PDGFRB: variants seen among roughly 807,000 people sequenced by gnomAD.
PDGFRB encodes platelet derived growth factor receptor beta.
In PDGFRB, 42 loss-of-function variants were observed where a neutral mutation model predicts 120.2. The ratio of observed to expected loss-of-function variants is 0.35; its 90% confidence interval spans 0.27 to 0.45. PDGFRB has a LOEUF of 0.45. Ranked by LOEUF, PDGFRB falls within the 20% of genes least tolerant of loss-of-function variation. PDGFRB has a pLI of 1.00. For synonymous variants in PDGFRB, 586 were observed against 606.8 expected, an observed-to-expected ratio of 0.97 and a Z score of 0.50; for missense variants, 1,149 against 1,476.3, an observed-to-expected ratio of 0.78 and a Z score of 3.63.
Position 150,133,747 on chromosome 5 carries a change from A to G in PDGFRB, c.773T>C (p.Val258Ala). 3 of 1,614,076 alleles carry G rather than the reference A, an allele frequency of 1.9e-6. No individual in the cohort carries two copies. Among genetic ancestry groups the G allele is most frequent in the Non-Finnish European group, 2.5e-6 (3 of 1,179,976 alleles). Residue 258 changes from valine to alanine, a missense_variant, in exon 6 of 23, where the codon GTG (valine) becomes GCG (alanine). Around this residue, in one of 3 missense-constraint regions of PDGFRB, gnomAD observed 879 missense variants for 1,108.6 expected, o/e 0.79. Coordinates refer to ENST00000261799, the MANE Select transcript of PDGFRB (RefSeq NM_002609.4). ...CAAGAGGAAGTCAGTCACCGGCTCC[A>G]CCAGCCGCCCACTCTGCAGCAACAG... is the stretch of plus-strand genomic sequence containing the variant. ...TYPRKESGRL[V>A]EPVTDFLLDM...
rs945028891 is a variant in PDGFRB at position 150,132,309 on chromosome 5, G to A, written c.1128-215C>T. Among the ~76,000 whole-genome samples, 1 of 152,186 alleles carries A rather than the reference G, an allele frequency of 6.6e-6. No individual in the cohort carries two copies. Among genetic ancestry groups the A allele is most frequent in the Non-Finnish European group, 1.5e-5 (1 of 68,026 alleles). On this transcript the variant is annotated intron_variant, in intron 7 of 22. Transcript: ENST00000261799. This position sits in a 1 kb window ranked among gnomAD's most constrained non-coding sequence, Gnocchi z 5.0. Reference sequence around the variant, plus strand: ...GAGGGAGGGTTGAGATGAACTGTGGGTGGGGGTGGGGAGCATTGAAGGAAA... The same window carrying A: ...GAGGGAGGGTTGAGATGAACTGTGGATGGGGGTGGGGAGCATTGAAGGAAA...
chr5:150,147,655 C>A (rs746167624), intron 1 of PDGFRB, among the ~76,000 whole-genome samples: 1 of 152,220 alleles, frequency 6.6e-6, no homozygotes, highest in Non-Finnish European at 1.5e-5. Context: ...CCCTCCTGGG[C>A]GGCAGAGCAG....
chr5:150,134,598 T>G (rs755974496), intron 4 of PDGFRB, 152 bp downstream of exon 4: 3 of 726,544 alleles, frequency 4.1e-6, no homozygotes, highest in Non-Finnish European at 6.7e-6. Flanking sequence ...TTCCCTCTTC[T>G]GTAACATGGG....
rs1378680981 is a variant in PDGFRB, at chr5:150,114,510, C to T, written c.*1253G>A. ...TCATCGTGGGTAGTGAAAGAGGTCC[C>T]GTGGTCTTCCCATGTCCCTGGGGCA... is the stretch of plus-strand genomic sequence containing the variant. On this transcript the variant is annotated 3_prime_UTR_variant, in exon 23 of 23. Coordinates refer to ENST00000261799, the MANE Select transcript of PDGFRB (RefSeq NM_002609.4). 4 of 233,258 alleles carry T rather than the reference C, an allele frequency of 1.7e-5. No individual in the cohort carries two copies. The highest frequency in any genetic ancestry group is 6.0e-5 in the East Asian group (1 of 16,570). The allele number at this position is 233,258 out of a possible 1,614,324, so 14.4% of individuals were successfully genotyped here.
intron 8 of PDGFRB, among the ~76,000 whole-genome samples, chr5:150,131,645 G>A (rs1007213641): frequency 6.6e-6 from 1 of 152,178 alleles, no homozygotes; most frequent in Non-Finnish European, 1.5e-5. Flanking sequence ...GAACCTTGAA[G>A]AGACAGGCAT....
At chr5:150,124,219 C>A in intron 14 of PDGFRB, 31 bp downstream of exon 14, 2 of 1,499,404 alleles carry the variant, frequency 1.3e-6, no homozygotes, top group East Asian at 2.3e-5. Flanking sequence ...GGGCACTTTC[C>A]CTGAGGCCTC....
At chr5:150,139,220 TG>T (rs1243839491) in intron 1 of PDGFRB, among the ~76,000 whole-genome samples, 1 of 152,054 alleles carries the variant, frequency 6.6e-6, no homozygotes, top group South Asian at 2.1e-4. Flanking sequence ...ATTCAAGCTG[TG>T]GGGAGAGGAC....
Position 150,135,679 on chromosome 5 carries a change from G to T in PDGFRB, c.240C>A (p.Thr80=), listed in dbSNP as rs371465014. Residue 80 remains threonine (T), a synonymous_variant, in exon 3 of 23, where the codon ACC becomes ACA. Transcript: ENST00000261799. ...TGGTCAGTGTGAGCACGCTGGAGAAGGTGCCATCCTGGGCCTTGGCCATTT... is the reference window on the plus strand; with the variant it reads ...TGGTCAGTGTGAGCACGCTGGAGAATGTGCCATCCTGGGCCTTGGCCATTT... ...PQEMAKAQDG[T]FSSVLTLTNL... The T allele has an allele frequency of 9.3e-6, 15 of 1,613,944 alleles. No individual in the cohort carries two copies. Among genetic ancestry groups the T allele is most frequent in the Non-Finnish European group, 1.2e-5 (14 of 1,179,914 alleles).
At chr5:150,137,340 G>C in intron 1 of PDGFRB, 1 of 387,926 alleles carries the variant, frequency 2.6e-6, no homozygotes, top group Non-Finnish European at 4.7e-6. Context: ...CTGTGCCTTA[G>C]TTTCCCTGTC....
intron 2 of PDGFRB, 142 bp from the exon 3 acceptor site, chr5:150,136,020 C>T (rs1760620996): frequency 1.8e-6 from 1 of 566,364 alleles, no homozygotes; most frequent in South Asian, 3.3e-5. Flanking sequence ...TGGGGCTCTC[C>T]AGCCATGGCT....
Position 150,116,762 on chromosome 5 carries a change from T to C in PDGFRB, c.3138-816A>G, listed in dbSNP as rs371733106. 2.0e-4 allele frequency among the ~76,000 whole-genome samples: 30 copies of C among 152,118 alleles called. 1 individual carries two copies. Among genetic ancestry groups the C allele is most frequent in the Admixed American group, 5.9e-4 (9 of 15,282 alleles). On this transcript the variant is annotated intron_variant, in intron 22 of 22. Coordinates refer to ENST00000261799, the MANE Select transcript of PDGFRB (RefSeq NM_002609.4). ...CGCTGCACTTCACTCCTCTGCACCA[T>C]CCACTGGGACTCTTGGATGGTTGGC...
intron 1 of PDGFRB, among the ~76,000 whole-genome samples, chr5:150,146,471 C>T (rs1469560735): frequency 6.6e-6 from 1 of 152,184 alleles, no homozygotes; most frequent in Non-Finnish European, 1.5e-5. Context: ...TGGTAACTTT[C>T]CCAAGGTCAC....
chr5:150,150,596 A>T (rs943248133), intron 1 of PDGFRB, among the ~76,000 whole-genome samples: 1 of 103,680 alleles, frequency 9.6e-6, no homozygotes, highest in African/African-American at 3.5e-5. Flanking sequence ...TACCCCAGGA[A>T]GCATCTGGTG....
Position 150,155,682 on chromosome 5 carries a change from G to A in PDGFRB, c.-292C>T, listed in dbSNP as rs1761211775. The A allele has an allele frequency of 5.0e-6, 2 of 398,680 alleles. No individual in the cohort carries two copies. The highest frequency in any genetic ancestry group is 8.8e-5 in the Admixed American group (2 of 22,744). 24.7% of individuals were successfully genotyped at this position (398,680 alleles called of 1,614,324 possible). ...GCAGAGCCGCCAGAGGGGCCGCCCTGGGTCTGGCTGTCTGCGTTGGGCAGG... is the reference window on the plus strand; with the variant it reads ...GCAGAGCCGCCAGAGGGGCCGCCCTAGGTCTGGCTGTCTGCGTTGGGCAGG... On this transcript the variant is annotated 5_prime_UTR_variant, in exon 1 of 23. Transcript: ENST00000261799.
chr5:150,143,355 C>A (rs1760832915), intron 1 of PDGFRB, among the ~76,000 whole-genome samples: 1 of 152,178 alleles, frequency 6.6e-6, no homozygotes, highest in Admixed American at 6.5e-5. Context: ...AAAGGGTGGG[C>A]AAGAGTGTCT....
At chr5:150,148,765 C>T (rs577135794) in intron 1 of PDGFRB, among the ~76,000 whole-genome samples, 101 of 152,358 alleles carry the variant, frequency 6.6e-4, no homozygotes, top group Non-Finnish European at 8.8e-4. Context: ...TGACTAACAA[C>T]AGTATATGAT....
chr5:150,129,492 C>T (rs142748474), intron 10 of PDGFRB, among the ~76,000 whole-genome samples: 26 of 152,286 alleles, frequency 1.7e-4, no homozygotes, highest in Middle Eastern at 3.4e-3. Context: ...ACATGGCTTA[C>T]GACATACATA....
chr5:150,148,775 T>C (rs1183360967), intron 1 of PDGFRB, among the ~76,000 whole-genome samples: 2 of 152,230 alleles, frequency 1.3e-5, no homozygotes, highest in African/African-American at 4.8e-5. Context: ...CAGTATATGA[T>C]TACTCCAGTG....
intron 19 of PDGFRB, 105 bp from the exon 20 acceptor site, chr5:150,119,671 A>T: frequency 1.3e-6 from 1 of 746,332 alleles, no homozygotes; most frequent in Non-Finnish European, 2.4e-6. Flanking sequence ...TGGTATGGGT[A>T]AGGGGGCAGT....
Sources: gnomAD v4.1 joint callset for allele counts (sites outside exome capture counted in the v4.1 genomes callset) on GRCh38, gnomAD v4.1.1 for gene constraint, gnomAD v4.1.1 regional missense constraint, Gnocchi (gnomAD v3.1) non-coding constraint, MANE v1.5 for transcripts, NCBI Gene and HGNC (gene_info 2026-07-23, HGNC 2026-07-21) for gene names.